The following GRIA3 variants were observed in gnomAD, a reference collection of about 807,000 sequenced individuals.
The protein encoded by GRIA3 is glutamate receptor 3.
In GRIA3, 3 loss-of-function variants were observed where a neutral mutation model predicts 63.0. The ratio of observed to expected loss-of-function variants is 0.05; its 90% CI spans 0.02 to 0.12. The LOEUF (loss-of-function observed/expected upper bound fraction) is 0.12. Ranked by LOEUF, GRIA3 falls within the 10% of genes least tolerant of loss-of-function variation. The pLI is 1.00. For missense variants in GRIA3, 347 were observed against 700.9 expected, an observed-to-expected ratio of 0.50 and a Z score of 5.70; for synonymous variants, 274 against 257.9, an observed-to-expected ratio of 1.06 and a Z score of -0.60.
chrX:123,300,942 G>C (rs1186016870), intron 3 of GRIA3, among the ~76,000 whole-genome samples: 2 of 111,051 alleles, frequency 1.8e-5, no homozygotes, highest in African/African-American at 6.5e-5. Flanking sequence ...AGTCATTCAG[G>C]AGCAGGTTAT....
chrX:123,321,391 G>C (rs1328753831), intron 3 of GRIA3, among the ~76,000 whole-genome samples: 3 of 112,006 alleles, frequency 2.7e-5, no homozygotes, highest in Non-Finnish European at 3.8e-5. Flanking sequence ...CCCGTCAGAA[G>C]TACAAATGCT....
At chrX:123,360,396 C>T (rs937119946) in intron 5 of GRIA3, among the ~76,000 whole-genome samples, 8 of 108,556 alleles carry the variant, frequency 7.4e-5, no homozygotes, top group Admixed American at 2.0e-4. Context: ...AACAAGGACA[C>T]GTTGGGCCGG....
At chrX:123,429,763 T>A (rs1212682749) in intron 12 of GRIA3, among the ~76,000 whole-genome samples, 1 of 112,138 alleles carries the variant, frequency 8.9e-6, no homozygotes, top group African/African-American at 3.2e-5. Context: ...TATGAAGTAA[T>A]TAACCACTTA....
intron 4 of GRIA3, among the ~76,000 whole-genome samples, chrX:123,354,518 C>CAA (rs113396554): frequency 7.5e-5 from 8 of 106,798 alleles, no homozygotes; most frequent in African/African-American, 2.0e-4. Context: ...ATAAAAACAA[C>CAA]AAAAAAAAAA....
intron 2 of GRIA3, among the ~76,000 whole-genome samples, chrX:123,221,901 C>G (rs2044221452): frequency 9.0e-6 from 1 of 111,683 alleles, no homozygotes; most frequent in Admixed American, 9.5e-5. Context: ...CATTCTCTTT[C>G]TCCCAAAAAT....
chrX:123,296,522 T>C (rs1194417759), intron 3 of GRIA3, among the ~76,000 whole-genome samples: 2 of 111,000 alleles, frequency 1.8e-5, no homozygotes, highest in Non-Finnish European at 3.8e-5. Flanking sequence ...CATCTAACTA[T>C]GACTTGAGAT....
chrX:123,184,932 A>G (rs1433025852), intron 1 of GRIA3: 4 of 441,164 alleles, frequency 9.1e-6, no homozygotes, highest in Non-Finnish European at 1.7e-5. Flanking sequence ...GGCGAGCAGG[A>G]GGCTGGGATG....
chrX:123,202,705 G>A, intron 2 of GRIA3: 2 of 1,166,329 alleles, frequency 1.7e-6, no homozygotes, highest in Non-Finnish European at 2.3e-6. Flanking sequence ...GCTCTGCCGT[G>A]CTGCAAAGAT....
At chrX:123,327,240 T>C (rs2044911652) in intron 4 of GRIA3, among the ~76,000 whole-genome samples, 1 of 111,967 alleles carries the variant, frequency 8.9e-6, no homozygotes, top group Admixed American at 9.4e-5. Context: ...ATATTCATTA[T>C]TAAGCTTGGA....
At chrX:123,186,307 A>G (rs2269550) in intron 2 of GRIA3, among the ~76,000 whole-genome samples, 6,483 of 108,949 alleles carry the variant, frequency 0.06, 383 homozygotes, top group East Asian at 0.43. Flanking sequence ...TTAACTGGGG[A>G]AAAAAAAAGA....
At chrX:123,248,821 G>A (rs922779217) in intron 2 of GRIA3, among the ~76,000 whole-genome samples, 2 of 111,659 alleles carry the variant, frequency 1.8e-5, no homozygotes, top group African/African-American at 6.5e-5. Context: ...AAAGAGAAAT[G>A]GGTGTGCTTC....
intron 2 of GRIA3, among the ~76,000 whole-genome samples, chrX:123,228,255 C>A (rs1603036676): frequency 9.0e-6 from 1 of 111,609 alleles, no homozygotes; most frequent in African/African-American, 3.2e-5. Flanking sequence ...ATACACCCTC[C>A]ATCAAATATA....
At chrX:123,479,811 CT>C (rs1406432626) in intron 13 of GRIA3, among the ~76,000 whole-genome samples, 1 of 111,811 alleles carries the variant, frequency 8.9e-6, no homozygotes, top group African/African-American at 3.3e-5. Flanking sequence ...TGAGGAGTGC[CT>C]TTTTTTCTAT....
At chrX:123,289,134 C>T (rs1195318013) in intron 3 of GRIA3, among the ~76,000 whole-genome samples, 1 of 111,197 alleles carries the variant, frequency 9.0e-6, no homozygotes, top group Non-Finnish European at 1.9e-5. Flanking sequence ...AAGGATGAAG[C>T]TGGAAACCAT....
intron 3 of GRIA3, among the ~76,000 whole-genome samples, chrX:123,289,930 G>A (rs765145658): frequency 1.1e-4 from 12 of 111,343 alleles, no homozygotes; most frequent in African/African-American, 1.6e-4. Context: ...GTTCTAAAAT[G>A]TTTCTCTCTC....
At chrX:123,410,331 G>T (rs1358652475) in intron 10 of GRIA3, among the ~76,000 whole-genome samples, 1 of 111,918 alleles carries the variant, frequency 8.9e-6, no homozygotes, top group Non-Finnish European at 1.9e-5. Flanking sequence ...TAAAGAAGAA[G>T]GGGGTTGCTT....
intron 11 of GRIA3, among the ~76,000 whole-genome samples, chrX:123,426,091 C>T (rs1251972218): frequency 1.8e-5 from 2 of 111,452 alleles, no homozygotes; most frequent in Admixed American, 9.6e-5. Context: ...CAGGCTCCTA[C>T]GCCTATTCTT....
intron 2 of GRIA3, among the ~76,000 whole-genome samples, chrX:123,201,965 T>A (rs1434546525): frequency 8.9e-6 from 1 of 112,197 alleles, no homozygotes; most frequent in Non-Finnish European, 1.9e-5. Context: ...TAGCACATGG[T>A]CTTTCTTTGA....
intron 5 of GRIA3, among the ~76,000 whole-genome samples, chrX:123,360,519 TAAAAAAA>T (rs752270406): frequency 7.1e-5 from 3 of 42,345 alleles, no homozygotes; most frequent in Non-Finnish European, 1.2e-4. Context: ...TGTCTCTACT[TAAAAAAA>T]AAAAAAAAAA....
Sources: allele counts gnomAD v4.1 joint callset (sites outside exome capture counted in the v4.1 genomes callset), GRCh38; gene constraint gnomAD v4.1.1; transcripts MANE v1.5; gene names NCBI Gene and HGNC (gene_info 2026-07-23, HGNC 2026-07-21).